Variants in FAT1 observed in about 807,000 individuals in gnomAD.
The protein encoded by FAT1 is FAT atypical cadherin 1.
A neutral mutation model predicts 329.8 loss-of-function variants in FAT1; 171 were observed. That is an observed-to-expected ratio of 0.52 (90% CI 0.46 to 0.59). FAT1 has a LOEUF of 0.59. Among genes scored for constraint, FAT1 ranks in the 20% least tolerant of loss-of-function variants. The probability of loss-of-function intolerance (pLI) is 0.00; values close to 1 mark genes in which losing one functional copy is unlikely to be tolerated. For synonymous variants in FAT1, 2,233 were observed against 2,228.6 expected, an observed-to-expected ratio of 1.00 and a Z score of -0.06; for missense variants, 5,672 against 5,774.4, an observed-to-expected ratio of 0.98 and a Z score of 0.57.
chr4:186,723,624 T>G (rs1377750281), intron 1 of FAT1, 40 bp downstream of exon 1: 1 of 151,930 alleles, frequency 6.6e-6, no homozygotes, highest in African/African-American at 2.4e-5. Context: ...CGCTGCACGC[T>G]CTCGCCCCCG....
intron 4 of FAT1, among the ~76,000 whole-genome samples, chr4:186,639,359 T>C (rs560149585): frequency 6.6e-6 from 1 of 152,142 alleles, no homozygotes; most frequent in South Asian, 2.1e-4. Context: ...AAAAACATAA[T>C]AGTAAGGGGA....
At chr4:186,643,553 T>C (rs1390760704) in intron 3 of FAT1, among the ~76,000 whole-genome samples, 1 of 152,082 alleles carries the variant, frequency 6.6e-6, no homozygotes, top group African/African-American at 2.4e-5. Context: ...GGGCTTCCTG[T>C]GGGATTTTCA....
At position 186,614,244 on chromosome 4, in the gene FAT1, G is replaced by C; in HGVS notation, c.9176C>G (p.Thr3059Ser). 1.2e-6 allele frequency: 2 copies of C among 1,602,130 alleles called. No individual in the cohort carries two copies. Among genetic ancestry groups the C allele is most frequent in the African/African-American group, 1.3e-5 (1 of 74,396 alleles). The change falls in exon 12 of 27, where the codon ACT (threonine) becomes AGT (serine). Residue 3059 changes from threonine (T) to serine (S), a missense_variant. Physicochemically the swap from Thr to Ser is moderately conservative, Grantham distance 58. Coordinates refer to ENST00000441802, the MANE Select transcript of FAT1 (RefSeq NM_005245.4). Reference sequence around the variant, plus strand: ...TGCACCTGAACCCAATAACGTGTAAGTAATTTCAGCGTTAGAGCGGATGTC... The same window carrying C: ...TGCACCTGAACCCAATAACGTGTAACTAATTTCAGCGTTAGAGCGGATGTC... ...DADIRSNAEI[T>S]YTLLGSGAEK...
chr4:186,596,085 C>T lies in FAT1; in HGVS notation c.13001-259G>A, dbSNP rs1738497936. 6.6e-6 allele frequency among the ~76,000 whole-genome samples: 1 copy of T among 152,018 alleles called. No individual in the cohort carries two copies. Among genetic ancestry groups the T allele is most frequent in the Admixed American group, 6.6e-5 (1 of 15,266 alleles). On this transcript the variant is annotated intron_variant, in intron 25 of 26. Coordinates refer to ENST00000441802, the MANE Select transcript of FAT1 (RefSeq NM_005245.4). The surrounding 1 kb of genome is among the most constrained non-coding windows in gnomAD (Gnocchi z 4.7). ...AAGCATGCCTATGGGTATCATTAGA[C>T]AGTAAAGGCTGCTAAAATTTTGTTT...
intron 11 of FAT1, among the ~76,000 whole-genome samples, chr4:186,615,803 G>A (rs925888292): frequency 4.6e-5 from 7 of 152,080 alleles, no homozygotes; most frequent in African/African-American, 1.7e-4. Context: ...CTCAAATGAA[G>A]TCAATTTTCA....
At chr4:186,609,587 T>C (rs1739304100) in intron 15 of FAT1, among the ~76,000 whole-genome samples, 1 of 152,112 alleles carries the variant, frequency 6.6e-6, no homozygotes, top group Non-Finnish European at 1.5e-5. Flanking sequence ...TGGCTAATTT[T>C]TTTTTGTATT....
chr4:186,634,862 C>G (rs1740756892), intron 6 of FAT1, among the ~76,000 whole-genome samples: 1 of 152,220 alleles, frequency 6.6e-6, no homozygotes, highest in African/African-American at 2.4e-5. Context: ...TAAAAGCAAT[C>G]AATCAAACCA....
At chr4:186,645,161 G>A (rs1453698778) in intron 3 of FAT1, among the ~76,000 whole-genome samples, 1 of 151,744 alleles carries the variant, frequency 6.6e-6, no homozygotes, top group Non-Finnish European at 1.5e-5. Flanking sequence ...TGACATGTGA[G>A]TGAGGCCACC....
chr4:186,655,003 A>G (rs574212575), intron 3 of FAT1, among the ~76,000 whole-genome samples: 4 of 152,318 alleles, frequency 2.6e-5, no homozygotes, highest in African/African-American at 9.6e-5. Flanking sequence ...CAAAACACAA[A>G]ACCTCCATTA....
intron 9 of FAT1, among the ~76,000 whole-genome samples, chr4:186,626,632 G>T (rs932745668): frequency 9.7e-5 from 12 of 123,990 alleles, no homozygotes; most frequent in Non-Finnish European, 1.5e-4. Flanking sequence ...CATAAAGTGA[G>T]CTTCACCAGC....
At chr4:186,699,851 AAACT>A (rs1452655132) in intron 2 of FAT1, among the ~76,000 whole-genome samples, 1 of 152,250 alleles carries the variant, frequency 6.6e-6, no homozygotes, top group East Asian at 1.9e-4. Context: ...TCCAACATTT[AAACT>A]AACACCTAAA....
chr4:186,612,262 T>C (rs1297438445), intron 13 of FAT1, among the ~76,000 whole-genome samples: 5 of 151,986 alleles, frequency 3.3e-5, no homozygotes, highest in African/African-American at 1.2e-4. Context: ...CATGGGAATC[T>C]GGCTTCTTAG....
intron 2 of FAT1, among the ~76,000 whole-genome samples, chr4:186,678,955 C>T (rs1030585793): frequency 2.0e-5 from 3 of 152,058 alleles, no homozygotes; most frequent in African/African-American, 7.2e-5. Context: ...AAATGCCCAT[C>T]AGTGATAGAC....
intron 14 of FAT1, among the ~76,000 whole-genome samples, chr4:186,611,089 T>C (rs1473586684): frequency 1.3e-5 from 2 of 152,204 alleles, no homozygotes; most frequent in Admixed American, 1.3e-4. Context: ...CTTTACTAAC[T>C]TGCTATACCT....
rs1738714092 is a variant in FAT1, at chr4:186,599,923, G to A, written c.12078C>T (p.Gly4026=). 10 of 1,612,052 alleles carry A rather than the reference G, an allele frequency of 6.2e-6. No individual in the cohort carries two copies. Among genetic ancestry groups the A allele is most frequent in the South Asian group, 3.3e-5 (3 of 91,006 alleles). Reference sequence around the variant, plus strand: ...CTCCAGCAGGTGACGGATTGCAAACGCCTCCATTCTGGCAAGGGTTGCTGG... The same window carrying A: ...CTCCAGCAGGTGACGGATTGCAAACACCTCCATTCTGGCAAGGGTTGCTGG... The part of the protein sequence containing the change: ...DCASNPCQNG[G]VCNPSPAGGY... Residue 4026 remains glycine (G), a synonymous_variant, in exon 22 of 27, where the codon GGC becomes GGT. Coordinates refer to ENST00000441802, the MANE Select transcript of FAT1 (RefSeq NM_005245.4).
intron 2 of FAT1, among the ~76,000 whole-genome samples, chr4:186,687,767 T>G (rs1235862556): frequency 6.6e-6 from 1 of 152,200 alleles, no homozygotes; most frequent in Non-Finnish European, 1.5e-5. Context: ...CTCTATATTC[T>G]AAAAATCACA....
At chr4:186,591,480 C>G (rs1738235830) in intron 26 of FAT1, among the ~76,000 whole-genome samples, 3 of 152,152 alleles carry the variant, frequency 2.0e-5, no homozygotes, top group Non-Finnish European at 4.4e-5. Context: ...AAAAAAAGAT[C>G]AACAACTTTT....
At chr4:186,664,721 CA>C (rs1200078863) in intron 2 of FAT1, among the ~76,000 whole-genome samples, 1 of 152,144 alleles carries the variant, frequency 6.6e-6, no homozygotes, top group Non-Finnish European at 1.5e-5. Flanking sequence ...CTTTGTCTAC[CA>C]AAAACATATC....
At chr4:186,633,319 T>G (rs995443258) in intron 7 of FAT1, among the ~76,000 whole-genome samples, 1 of 152,186 alleles carries the variant, frequency 6.6e-6, no homozygotes, top group African/African-American at 2.4e-5. Context: ...AGAAGATTAA[T>G]CACTTTAACC....
Sources: gnomAD v4.1 joint callset for allele counts (sites outside exome capture counted in the v4.1 genomes callset) on GRCh38, gnomAD v4.1.1 for gene constraint, Gnocchi (gnomAD v3.1) non-coding constraint, MANE v1.5 for transcripts, NCBI Gene and HGNC (gene_info 2026-07-23, HGNC 2026-07-21) for gene names.